ADARB2: variants seen among roughly 807,000 people sequenced by gnomAD.
ADARB2 encodes the protein inactive double-stranded RNA-specific editase B2.
ADARB2 carries 25 observed loss-of-function variants against 62.2 expected under a neutral mutation model. That is an observed-to-expected ratio of 0.40 (90% CI 0.29 to 0.56). ADARB2 has a LOEUF of 0.56. Among genes scored for constraint, ADARB2 ranks in the 20% least tolerant of loss-of-function variants. ADARB2 has a pLI of 0.43. For synonymous variants in ADARB2, 572 were observed against 500.8 expected (o/e 1.14, Z -1.90); for missense variants, 1,071 against 1,077.4 (o/e 0.99, Z 0.08).
intron 1 of ADARB2, among the ~76,000 whole-genome samples, chr10:1,612,191 G>A (rs1017144091): frequency 9.9e-5 from 15 of 152,246 alleles, no homozygotes; most frequent in African/African-American, 3.6e-4. Flanking sequence ...AGAGGCTGGG[G>A]TCCTCGTCTT....
rs111452404 is a variant in ADARB2, at chr10:1,595,476, A to T, written c.100+141575T>A. Among the ~76,000 whole-genome samples, 62 of 152,300 alleles carry T rather than the reference A, an allele frequency of 4.1e-4. 1 individual carries two copies. Among genetic ancestry groups the T allele is most frequent in the African/African-American group, 1.4e-3 (57 of 41,562 alleles). On this transcript the variant is annotated intron_variant, in intron 1 of 9. Transcript: ENST00000381312. ...AATACAGTCAGATTTGTATTAGAAAAAATAGTGTGGAGGGCGGATGTGGCA... is the reference window on the plus strand; with the variant it reads ...AATACAGTCAGATTTGTATTAGAAATAATAGTGTGGAGGGCGGATGTGGCA...
chr10:1,697,841 C>T (rs1252551703), intron 1 of ADARB2, among the ~76,000 whole-genome samples: 1 of 152,228 alleles, frequency 6.6e-6, no homozygotes, highest in African/African-American at 2.4e-5. Context: ...CCTGCAACTT[C>T]TCTTTCGACT....
At chr10:1,730,621 A>C (rs1297257323) in intron 1 of ADARB2, among the ~76,000 whole-genome samples, 1 of 149,686 alleles carries the variant, frequency 6.7e-6, no homozygotes, top group Non-Finnish European at 1.5e-5. Flanking sequence ...TCACCTGAGC[A>C]TTTATATCAT....
chr10:1,221,880 T>G (rs1352455268), intron 6 of ADARB2, among the ~76,000 whole-genome samples: 1 of 152,168 alleles, frequency 6.6e-6, no homozygotes, highest in African/African-American at 2.4e-5. Flanking sequence ...AATAAACATG[T>G]GTGCATATGT....
intron 1 of ADARB2, among the ~76,000 whole-genome samples, chr10:1,658,545 T>C (rs188692494): frequency 2.6e-5 from 4 of 152,326 alleles, no homozygotes; most frequent in African/African-American, 9.6e-5. Flanking sequence ...TCTCTGTCTC[T>C]GATTCTCTCT....
chr10:1,343,572 C>T (rs375646322), intron 3 of ADARB2, among the ~76,000 whole-genome samples: 61 of 152,212 alleles, frequency 4.0e-4, no homozygotes, highest in Non-Finnish European at 7.8e-4. Flanking sequence ...CACAGGCACG[C>T]GCATGTCCAT....
In ADARB2 at chr10:1,526,900, G is replaced by A. The variant is rs75807159; in HGVS notation, c.101-147740C>T. The A allele has an allele frequency of 5.5e-3, 2,603 of 474,422 alleles. 162 individuals are homozygous for A. In the East Asian group the frequency reaches 0.13, roughly 24 times the overall value. The allele number at this position is 474,422 out of a possible 1,614,324, so 29.4% of individuals were successfully genotyped here. ...TCATCAGCCTCACAGTTCCCCACAG[G>A]TGAGTCCTGGCATAGAAACATCCCC... On this transcript the variant is annotated intron_variant, in intron 1 of 9. Coordinates refer to ENST00000381312, the MANE Select transcript of ADARB2 (RefSeq NM_018702.4).
intron 1 of ADARB2, among the ~76,000 whole-genome samples, chr10:1,591,485 T>A (rs1306009550): frequency 1.3e-5 from 2 of 152,028 alleles, no homozygotes; most frequent in Non-Finnish European, 2.9e-5. Context: ...GGGGCAGGGG[T>A]CTTCATGGGA....
At chr10:1,330,107 G>A (rs770101015) in intron 3 of ADARB2, among the ~76,000 whole-genome samples, 1 of 152,026 alleles carries the variant, frequency 6.6e-6, no homozygotes, top group Non-Finnish European at 1.5e-5. Flanking sequence ...TTTTGCCCAC[G>A]TTCTTTTGTG....
chr10:1,252,473 C>T (rs995415296), intron 4 of ADARB2, among the ~76,000 whole-genome samples: 1 of 152,212 alleles, frequency 6.6e-6, no homozygotes, highest in African/African-American at 2.4e-5. Flanking sequence ...CTTCAGTGTT[C>T]AGCCTAACTG....
At chr10:1,474,505 C>G (rs950889320) in intron 1 of ADARB2, among the ~76,000 whole-genome samples, 2 of 152,162 alleles carry the variant, frequency 1.3e-5, no homozygotes, top group African/African-American at 4.8e-5. Context: ...GCTGGTGGCA[C>G]CCAAGCAGGA....
chr10:1,549,875 G>A (rs947904551), intron 1 of ADARB2, among the ~76,000 whole-genome samples: 3 of 152,162 alleles, frequency 2.0e-5, no homozygotes, highest in Non-Finnish European at 4.4e-5. Flanking sequence ...CCCCTCTCCT[G>A]GGTGCTGGGT....
chr10:1,320,393 C>T (rs1047386721), intron 3 of ADARB2, among the ~76,000 whole-genome samples: 93 of 152,280 alleles, frequency 6.1e-4, no homozygotes, highest in African/African-American at 2.1e-3. Flanking sequence ...TCTTTCAAAT[C>T]ACACCATGTA....
chr10:1,711,385 G>A (rs960307674), intron 1 of ADARB2, among the ~76,000 whole-genome samples: 1 of 152,138 alleles, frequency 6.6e-6, no homozygotes, highest in Non-Finnish European at 1.5e-5. Context: ...GACGCACCTG[G>A]GAAACTCCTA....
At chr10:1,727,671 C>A (rs1414414308) in intron 1 of ADARB2, among the ~76,000 whole-genome samples, 3 of 152,076 alleles carry the variant, frequency 2.0e-5, no homozygotes, top group Non-Finnish European at 4.4e-5. Flanking sequence ...TTTTTGTAAG[C>A]CCATCTGATG....
At chr10:1,408,273 T>C (rs1352892947) in intron 1 of ADARB2, among the ~76,000 whole-genome samples, 1 of 152,194 alleles carries the variant, frequency 6.6e-6, no homozygotes, top group Non-Finnish European at 1.5e-5. Context: ...CACATTCCAA[T>C]GAAAATATAT....
chr10:1,384,960 C>A (rs1365935258), intron 1 of ADARB2, among the ~76,000 whole-genome samples: 1 of 152,132 alleles, frequency 6.6e-6, no homozygotes, highest in African/African-American at 2.4e-5. Context: ...AGTCATAGAT[C>A]ACTGAAGAGC....
intron 1 of ADARB2, among the ~76,000 whole-genome samples, chr10:1,669,752 ACACT>A (rs746188155): frequency 6.6e-6 from 1 of 151,810 alleles, no homozygotes; most frequent in African/African-American, 2.4e-5. Context: ...AAACACAGAC[ACACT>A]CATAGAGAAA....
Position 1,213,541 on chromosome 10 carries a change from G to A in ADARB2, c.1682+3410C>T, listed in dbSNP as rs936885511. On this transcript the variant is annotated intron_variant, in intron 7 of 9. Transcript: ENST00000381312. ...GCACCCCTGTCCTGTCACCAGACTC[G>A]GGGATGAAGCACTTGTGAATGGAGA... 3.9e-5 allele frequency among the ~76,000 whole-genome samples: 6 copies of A among 152,280 alleles called. No individual in the cohort carries two copies. In the South Asian group the frequency reaches 1.2e-3, roughly 32 times the overall value.
Sources: allele counts gnomAD v4.1 joint callset (sites outside exome capture counted in the v4.1 genomes callset), GRCh38; gene constraint gnomAD v4.1.1; transcripts MANE v1.5; gene names NCBI Gene and HGNC (gene_info 2026-07-23, HGNC 2026-07-21).